Variants in PLXDC2 observed in about 807,000 individuals in gnomAD.
PLXDC2 encodes plexin domain containing 2.
PLXDC2 carries 40 observed loss-of-function variants against 68.9 expected under a neutral mutation model. That is an observed-to-expected ratio of 0.58 (90% CI 0.45 to 0.76). The LOEUF is 0.76. Among genes scored for constraint, PLXDC2 ranks in the 30% least tolerant of loss-of-function variants. The pLI is 0.00. For synonymous variants in PLXDC2, 243 were observed against 234.2 expected, an observed-to-expected ratio of 1.04 and a Z score of -0.34; for missense variants, 644 against 661.9, an observed-to-expected ratio of 0.97 and a Z score of 0.30.
chr10:19,921,448 A>G, intron 1 of PLXDC2, among the ~76,000 whole-genome samples: 1 of 152,158 alleles, frequency 6.6e-6, no homozygotes, highest in East Asian at 1.9e-4. Context: ...CTGGAAAGCT[A>G]TGACATTCAC....
At chr10:19,987,202 T>G (rs10508606) in intron 1 of PLXDC2, among the ~76,000 whole-genome samples, 8,026 of 152,308 alleles carry the variant, frequency 0.053, 275 homozygotes, top group Middle Eastern at 0.092. Flanking sequence ...GAGCAGTTGA[T>G]GCCTTCATAG....
chr10:19,991,763 G>A (rs554325960), intron 1 of PLXDC2, among the ~76,000 whole-genome samples: 9 of 152,064 alleles, frequency 5.9e-5, no homozygotes, highest in African/African-American at 9.7e-5. Flanking sequence ...GAAGGCCCTC[G>A]GTGATTTGGG....
At position 19,890,392 on chromosome 10, in the gene PLXDC2, C is replaced by G. The variant is rs111609344; in HGVS notation, c.112+73201C>G. On this transcript the variant is annotated intron_variant, in intron 1 of 13. Coordinates refer to ENST00000377252, the MANE Select transcript of PLXDC2 (RefSeq NM_032812.9). ...CCACTAGTTAGTTTTTCAGCCCTTG[C>G]CCCTCTTCTTCCCTCCGCTCCCTAG... Among the ~76,000 whole-genome samples the G allele has an allele frequency of 5.7e-3, 867 of 152,196 alleles. 5 individuals are homozygous for G. The highest frequency in any genetic ancestry group is 0.02 in the African/African-American group (810 of 41,496).
intron 13 of PLXDC2, among the ~76,000 whole-genome samples, chr10:20,275,648 C>T (rs115673025): frequency 0.015 from 2,227 of 152,102 alleles, 52 homozygotes; most frequent in African/African-American, 0.049. Flanking sequence ...CGCTTTGGCT[C>T]ACGCCTGTAA....
At chr10:20,149,771 T>G (rs1267434684) in intron 6 of PLXDC2, among the ~76,000 whole-genome samples, 2 of 152,154 alleles carry the variant, frequency 1.3e-5, no homozygotes, top group South Asian at 4.1e-4. Context: ...TATGGCCTCA[T>G]AGTATTCCAT....
intron 9 of PLXDC2, among the ~76,000 whole-genome samples, chr10:20,192,814 T>C (rs1157997746): frequency 6.6e-6 from 1 of 152,040 alleles, no homozygotes; most frequent in Non-Finnish European, 1.5e-5. Flanking sequence ...AATAACAAAG[T>C]GGACAAGAAT....
intron 2 of PLXDC2, among the ~76,000 whole-genome samples, chr10:20,021,962 G>T (rs933908352): frequency 6.6e-6 from 1 of 152,174 alleles, no homozygotes; most frequent in Non-Finnish European, 1.5e-5. Flanking sequence ...CTCCCAAAGT[G>T]CTGGGATTAC....
At chr10:20,082,063 T>A (rs7908099) in intron 4 of PLXDC2, among the ~76,000 whole-genome samples, 72,459 of 88,614 alleles carry the variant, frequency 0.82, 28,441 homozygotes, top group Middle Eastern at 0.9. Context: ...AAAAAAAAAA[T>A]CAAAAAAAAA....
chr10:20,032,242 A>G (rs965468847), intron 2 of PLXDC2, among the ~76,000 whole-genome samples: 1 of 152,244 alleles, frequency 6.6e-6, no homozygotes, highest in East Asian at 1.9e-4. Flanking sequence ...TTTCAGAGGC[A>G]TGAAACAGCA....
intron 1 of PLXDC2, among the ~76,000 whole-genome samples, chr10:19,889,220 A>G (rs1305729986): frequency 1.3e-4 from 20 of 151,998 alleles, no homozygotes; most frequent in Non-Finnish European, 2.6e-4. Flanking sequence ...ATATATATAT[A>G]AAATTATTTT....
chr10:19,913,975 G>T lies in PLXDC2; in HGVS notation c.113-87800G>T, dbSNP rs952345337. Among the ~76,000 whole-genome samples the T allele has an allele frequency of 2.0e-5, 3 of 151,762 alleles. No homozygotes were observed. In the East Asian group the frequency reaches 5.8e-4, roughly 29 times the overall value. On this transcript the variant is annotated intron_variant, in intron 1 of 13. Transcript: ENST00000377252. Reference sequence around the variant, plus strand: ...AAGCACATACAATGGTAAGTATTATGCTTGAAAGGAAAAGATAAGATCCTC... The same window carrying T: ...AAGCACATACAATGGTAAGTATTATTCTTGAAAGGAAAAGATAAGATCCTC...
At chr10:20,237,621 A>G (rs1438326656) in intron 12 of PLXDC2, among the ~76,000 whole-genome samples, 1 of 152,232 alleles carries the variant, frequency 6.6e-6, no homozygotes, top group African/African-American at 2.4e-5. Context: ...TGGGTTAGGT[A>G]CTGTTCCATG....
intron 12 of PLXDC2, among the ~76,000 whole-genome samples, chr10:20,238,677 G>GTGTATATATATA (rs1554777563): frequency 5.2e-5 from 4 of 76,884 alleles, no homozygotes; most frequent in African/African-American, 1.9e-4. Context: ...ATATATATAT[G>GTGTATATATATA]TATATATATA....
rs1267257955 is a variant in PLXDC2 at position 20,163,174 on chromosome 10, A to G, written c.784-1294A>G. Among the ~76,000 whole-genome samples, 4 of 152,224 alleles carry G rather than the reference A, an allele frequency of 2.6e-5. No homozygotes were observed. In the East Asian group the frequency reaches 7.7e-4, roughly 29 times the overall value. On this transcript the variant is annotated intron_variant, in intron 6 of 13. Transcript: ENST00000377252. ...GAAGACTAATTTATATTGGTTAAGAATTGAGCATACTGACACAAAATTTGC... is the reference window on the plus strand; with the variant it reads ...GAAGACTAATTTATATTGGTTAAGAGTTGAGCATACTGACACAAAATTTGC...
At chr10:20,163,686 C>G (rs1188840483) in intron 6 of PLXDC2, among the ~76,000 whole-genome samples, 2 of 152,096 alleles carry the variant, frequency 1.3e-5, no homozygotes, top group Non-Finnish European at 2.9e-5. Flanking sequence ...AGAGAGTAAT[C>G]ATATCTCCAA....
At chr10:20,166,747 A>AT (rs1331438663) in intron 7 of PLXDC2, among the ~76,000 whole-genome samples, 1 of 152,148 alleles carries the variant, frequency 6.6e-6, no homozygotes, top group East Asian at 1.9e-4. Flanking sequence ...TTTTTTACAA[A>AT]TGTAGTTTAA....
chr10:20,161,946 G>T (rs1834298042), intron 6 of PLXDC2, among the ~76,000 whole-genome samples: 2 of 151,702 alleles, frequency 1.3e-5, no homozygotes, highest in African/African-American at 4.8e-5. Context: ...TAGGAGAATT[G>T]CTTGAACCCG....
intron 10 of PLXDC2, among the ~76,000 whole-genome samples, chr10:20,216,576 A>G (rs1835141191): frequency 6.6e-6 from 1 of 152,200 alleles, no homozygotes; most frequent in Non-Finnish European, 1.5e-5. Context: ...TAAGAATGAT[A>G]TTTATTTAAC....
At chr10:20,226,690 A>G (rs1010675027) in intron 12 of PLXDC2, among the ~76,000 whole-genome samples, 1 of 152,192 alleles carries the variant, frequency 6.6e-6, no homozygotes, top group Non-Finnish European at 1.5e-5. Flanking sequence ...ACAGAACGAG[A>G]TGATATAGCA....
Sources: gnomAD v4.1 joint callset for allele counts (sites outside exome capture counted in the v4.1 genomes callset) on GRCh38, gnomAD v4.1.1 for gene constraint, MANE v1.5 for transcripts, NCBI Gene and HGNC (gene_info 2026-07-23, HGNC 2026-07-21) for gene names.